DLGAP2: variants seen among roughly 807,000 people sequenced by gnomAD.
DLGAP2 encodes the protein DLG associated protein 2.
A neutral mutation model predicts 100.3 loss-of-function variants in DLGAP2; 26 were observed. That is an observed-to-expected ratio of 0.26 (90% CI 0.19 to 0.36). The LOEUF is 0.36. Among genes scored for constraint, DLGAP2 ranks in the 10% least tolerant of loss-of-function variants. The pLI is 1.00. For synonymous variants in DLGAP2, 886 were observed against 630.1 expected (o/e 1.41, Z -6.08); for missense variants, 1,858 against 1,453.2 (o/e 1.28, Z -4.53).
chr8:1,455,463 A>G (rs779240645), intron 3 of DLGAP2, among the ~76,000 whole-genome samples: 1 of 151,984 alleles, frequency 6.6e-6, no homozygotes, highest in Non-Finnish European at 1.5e-5. Flanking sequence ...AGATGTCAAC[A>G]TTCGGGCCTG....
intron 2 of DLGAP2, among the ~76,000 whole-genome samples, chr8:1,061,580 G>C (rs1250724775): frequency 1.4e-5 from 2 of 147,946 alleles, no homozygotes; most frequent in East Asian, 4.1e-4. Flanking sequence ...AGCAGAGCTG[G>C]AGTCTCGCTA....
chr8:921,690 C>T (rs1343755304), intron 2 of DLGAP2, among the ~76,000 whole-genome samples: 4 of 152,254 alleles, frequency 2.6e-5, no homozygotes, highest in African/African-American at 9.6e-5. Context: ...CTACTGCCAC[C>T]CAGCCATCCT....
chr8:930,637 G>C (rs1392477026), intron 2 of DLGAP2, among the ~76,000 whole-genome samples: 1 of 152,226 alleles, frequency 6.6e-6, no homozygotes, highest in African/African-American at 2.4e-5. Flanking sequence ...CCGCCACGTT[G>C]GGTGTGGGAC....
intron 2 of DLGAP2, among the ~76,000 whole-genome samples, chr8:908,207 A>G (rs1798418606): frequency 6.6e-6 from 1 of 152,216 alleles, no homozygotes; most frequent in Non-Finnish European, 1.5e-5. Context: ...TTATTAATAG[A>G]TGATTGTTGT....
Position 1,169,202 on chromosome 8 carries a change from C to T in DLGAP2, c.74-89649C>T, listed in dbSNP as rs376973412. 1.7e-3 allele frequency among the ~76,000 whole-genome samples: 257 copies of T among 152,122 alleles called. 9 individuals carry two copies. The South Asian group carries it at 0.039, about 23-fold the overall frequency. ...AGATCAGATGGTTGTAGATATGCGGCGTTATTTCTGAGGGCTCTGTTCTGT... is the reference window on the plus strand; with the variant it reads ...AGATCAGATGGTTGTAGATATGCGGTGTTATTTCTGAGGGCTCTGTTCTGT... On this transcript the variant is annotated intron_variant, in intron 2 of 14. Transcript: ENST00000637795.
intron 2 of DLGAP2, among the ~76,000 whole-genome samples, chr8:1,092,921 C>T (rs1244220668): frequency 6.6e-6 from 1 of 152,160 alleles, no homozygotes. Context: ...GAACAGACCC[C>T]ATAGGGGTGT....
intron 3 of DLGAP2, among the ~76,000 whole-genome samples, chr8:1,325,040 T>A (rs1381266802): frequency 6.6e-6 from 1 of 152,182 alleles, no homozygotes. Flanking sequence ...AGTTTAGACC[T>A]CTCAACCTGA....
At chr8:1,374,374 A>C (rs1249005308) in intron 3 of DLGAP2, among the ~76,000 whole-genome samples, 1 of 151,946 alleles carries the variant, frequency 6.6e-6, no homozygotes, top group Non-Finnish European at 1.5e-5. Context: ...TGACCTCAGC[A>C]GGGAGGCAGC....
At chr8:1,374,287 G>A (rs1028225182) in intron 3 of DLGAP2, among the ~76,000 whole-genome samples, 1 of 152,192 alleles carries the variant, frequency 6.6e-6, no homozygotes, top group African/African-American at 2.4e-5. Context: ...AGGCTGTGTG[G>A]TGGAGGTGGG....
chr8:1,419,203 T>TAC (rs1285193914), intron 3 of DLGAP2, among the ~76,000 whole-genome samples: 8 of 30,438 alleles, frequency 2.6e-4, no homozygotes, highest in Admixed American at 1.1e-3. Flanking sequence ...CTCTGATGCG[T>TAC]GCGTGTGTGT....
intron 1 of DLGAP2, among the ~76,000 whole-genome samples, chr8:901,354 A>T (rs1004754719): frequency 2.0e-5 from 3 of 152,170 alleles, no homozygotes; most frequent in African/African-American, 7.2e-5. Flanking sequence ...AAATCCATCT[A>T]TTTCTCTATT....
Position 1,507,407 on chromosome 8 carries a change from C to T in DLGAP2, c.172+5976C>T, listed in dbSNP as rs568738925. Among the ~76,000 whole-genome samples the T allele has an allele frequency of 3.3e-5, 5 of 152,302 alleles. No individual in the cohort carries two copies. The East Asian group carries it at 7.8e-4, about 24-fold the overall frequency. Reference sequence around the variant, plus strand: ...GCAGCTGCTGGCCCAGGTGCTGAGCCCTTCACTGCCCCGCTGGCGCTGGCC... The same window carrying T: ...GCAGCTGCTGGCCCAGGTGCTGAGCTCTTCACTGCCCCGCTGGCGCTGGCC... On this transcript the variant is annotated intron_variant, in intron 4 of 14. Coordinates refer to ENST00000637795, the MANE Select transcript of DLGAP2 (RefSeq NM_001346810.2).
chr8:849,574 C>A (rs1030214538), intron 1 of DLGAP2, among the ~76,000 whole-genome samples: 1 of 152,146 alleles, frequency 6.6e-6, no homozygotes, highest in African/African-American at 2.4e-5. Context: ...ACCAGCCTTG[C>A]CCGAAGGTTC....
chr8:1,498,729 C>T (rs1415634826), intron 3 of DLGAP2, among the ~76,000 whole-genome samples: 1 of 152,192 alleles, frequency 6.6e-6, no homozygotes, highest in African/African-American at 2.4e-5. Flanking sequence ...GTCTCTGTTT[C>T]TCTCTCAAAG....
At chr8:1,034,509 G>A (rs1425345656) in intron 2 of DLGAP2, among the ~76,000 whole-genome samples, 2 of 80,304 alleles carry the variant, frequency 2.5e-5, no homozygotes, top group East Asian at 3.6e-4. Flanking sequence ...GCGTGTCACC[G>A]CGAGTGGATT....
At chr8:1,347,075 C>A (rs1585283341) in intron 3 of DLGAP2, among the ~76,000 whole-genome samples, 1 of 150,978 alleles carries the variant, frequency 6.6e-6, no homozygotes, top group African/African-American at 2.4e-5. Context: ...CCACACAGAG[C>A]TGAATTGCAC....
At chr8:1,538,768 C>T (rs539322936) in intron 4 of DLGAP2, among the ~76,000 whole-genome samples, 1 of 152,174 alleles carries the variant, frequency 6.6e-6, no homozygotes, top group Non-Finnish European at 1.5e-5. Flanking sequence ...TGGCCACAGC[C>T]ACTCAGAACT....
At chr8:1,440,324 C>G (rs1375503664) in intron 3 of DLGAP2, among the ~76,000 whole-genome samples, 1 of 152,170 alleles carries the variant, frequency 6.6e-6, no homozygotes, top group Non-Finnish European at 1.5e-5. Flanking sequence ...AAAATGGACT[C>G]ACGTGGGAAA....
At chr8:1,218,160 G>T (rs1004413664) in intron 2 of DLGAP2, among the ~76,000 whole-genome samples, 1 of 152,044 alleles carries the variant, frequency 6.6e-6, no homozygotes, top group African/African-American at 2.4e-5. Context: ...TACAATGTTT[G>T]CCAACACTAT....
Sources: gnomAD v4.1 joint callset for allele counts (sites outside exome capture counted in the v4.1 genomes callset) on GRCh38, gnomAD v4.1.1 for gene constraint, MANE v1.5 for transcripts, NCBI Gene and HGNC (gene_info 2026-07-23, HGNC 2026-07-21) for gene names.